Variants in CSGALNACT2 observed in about 807,000 individuals in gnomAD.
The protein encoded by CSGALNACT2 is chondroitin sulfate N-acetylgalactosaminyltransferase 2.
Under a neutral mutation model 55.3 loss-of-function variants are expected in CSGALNACT2, and 35 were observed. The ratio of observed to expected loss-of-function variants is 0.63; its 90% CI spans 0.48 to 0.84. The LOEUF (loss-of-function observed/expected upper bound fraction) is 0.84, where lower values mean the gene tolerates loss of function less well. Among genes scored for constraint, CSGALNACT2 ranks in the 40% least tolerant of loss-of-function variants. The probability of loss-of-function intolerance (pLI) is 0.00; values close to 1 mark genes in which losing one functional copy is unlikely to be tolerated. For missense variants in CSGALNACT2, 544 were observed against 657.5 expected, an observed-to-expected ratio of 0.83 and a Z score of 1.89; for synonymous variants, 196 against 224.9, an observed-to-expected ratio of 0.87 and a Z score of 1.15.
At chr10:43,173,900 C>T (rs531829912) in intron 6 of CSGALNACT2, among the ~76,000 whole-genome samples, 4 of 152,114 alleles carry the variant, frequency 2.6e-5, no homozygotes, top group East Asian at 3.9e-4. Context: ...GACTGAGGCA[C>T]GGAAATCGCT....
chr10:43,160,723 G>A, intron 4 of CSGALNACT2, 128 bp downstream of exon 4: 1 of 634,778 alleles, frequency 1.6e-6, no homozygotes, highest in African/African-American at 1.9e-5. Flanking sequence ...GTGGGCGGTG[G>A]TGGTGATGAT....
chr10:43,184,747 ATTAT>A lies in CSGALNACT2; in HGVS notation c.*1208_*1211del. 6.6e-6 allele frequency: 1 copy of A among 152,312 alleles called. No homozygotes were observed. The highest frequency in any genetic ancestry group is 1.5e-5 in the Non-Finnish European group (1 of 68,022). The allele number at this position is 152,312 out of a possible 1,614,324, so 9.4% of individuals were successfully genotyped here. A position where few individuals can be genotyped will look rare whatever the true frequency, so the allele number is the denominator to read the frequency against. On this transcript the variant is annotated 3_prime_UTR_variant, in exon 8 of 8. Transcript: ENST00000374466. ...TTATATTCAGATAGGACTGCACTAC[ATTAT>A]TTGTCACACATGGATCTGTTACCAT...
At chr10:43,156,368 A>G (rs1356059549) in intron 2 of CSGALNACT2, among the ~76,000 whole-genome samples, 1 of 152,220 alleles carries the variant, frequency 6.6e-6, no homozygotes, top group Non-Finnish European at 1.5e-5. Context: ...ATTTTTATGT[A>G]TCAAGATGGG....
chr10:43,141,088 G>A (rs534593113), intron 1 of CSGALNACT2, among the ~76,000 whole-genome samples: 18 of 152,310 alleles, frequency 1.2e-4, no homozygotes, highest in African/African-American at 4.3e-4. Context: ...AACATGGAAA[G>A]TAGGAAAGGG....
intron 1 of CSGALNACT2, among the ~76,000 whole-genome samples, chr10:43,152,746 TAAGTATGTATATCTTTATTAATTA>T (rs1327134800): frequency 6.6e-6 from 1 of 152,202 alleles, no homozygotes; most frequent in Admixed American, 6.5e-5. Flanking sequence ...ATAACATGCT[TAAGTATGTATATCTTTATTAATTA>T]AAGTATGTAT....
chr10:43,149,485 A>G (rs978881018), intron 1 of CSGALNACT2, among the ~76,000 whole-genome samples: 10 of 152,194 alleles, frequency 6.6e-5, no homozygotes, highest in Admixed American at 4.6e-4. Context: ...TTCTATTGAT[A>G]TGGTATATTG....
intron 1 of CSGALNACT2, among the ~76,000 whole-genome samples, chr10:43,150,156 T>A (rs1463408625): frequency 6.6e-6 from 1 of 152,218 alleles, no homozygotes; most frequent in African/African-American, 2.4e-5. Flanking sequence ...GAGTAGTTTT[T>A]TTATTATTAT....
chr10:43,178,943 A>G (rs921235086), intron 7 of CSGALNACT2, among the ~76,000 whole-genome samples: 1 of 152,016 alleles, frequency 6.6e-6, no homozygotes, highest in Admixed American at 6.6e-5. Context: ...TTCAGATTGC[A>G]TAATTTCTAT....
intron 6 of CSGALNACT2, among the ~76,000 whole-genome samples, chr10:43,173,407 C>T (rs1023517744): frequency 2.6e-5 from 4 of 152,186 alleles, no homozygotes; most frequent in Non-Finnish European, 5.9e-5. Context: ...GTGTGGATAA[C>T]TGCATCTCCC....
chr10:43,163,497 G>T, intron 4 of CSGALNACT2: 1 of 984,930 alleles, frequency 1.0e-6, no homozygotes, highest in African/African-American at 1.7e-5. Context: ...CCTAACGGAT[G>T]CAAGAGGAGA....
chr10:43,144,212 CAGT>C (rs1218111599), intron 1 of CSGALNACT2, among the ~76,000 whole-genome samples: 6 of 152,116 alleles, frequency 3.9e-5, no homozygotes, highest in Non-Finnish European at 8.8e-5. Flanking sequence ...TTTCAGAGGG[CAGT>C]AGATTAGTCT....
At chr10:43,146,149 A>G (rs1838742454) in intron 1 of CSGALNACT2, among the ~76,000 whole-genome samples, 1 of 152,232 alleles carries the variant, frequency 6.6e-6, no homozygotes, top group Non-Finnish European at 1.5e-5. Context: ...ATGATAGGTC[A>G]TCAGCAAGTT....
chr10:43,163,597 A>G (rs1056893086), intron 4 of CSGALNACT2: 36 of 985,268 alleles, frequency 3.7e-5, no homozygotes, highest in Non-Finnish European at 4.3e-5. Flanking sequence ...ACTCCCCAAA[A>G]GGTGTTTAAG....
At chr10:43,163,830 G>A in intron 4 of CSGALNACT2, 36 bp from the exon 5 acceptor site, 1 of 1,576,846 alleles carries the variant, frequency 6.3e-7, no homozygotes, top group Non-Finnish European at 8.6e-7. Context: ...AACTTTAAGT[G>A]GGACTTATCA....
intron 4 of CSGALNACT2, 106 bp from the exon 5 acceptor site, chr10:43,163,760 A>G: frequency 7.1e-7 from 1 of 1,398,848 alleles, no homozygotes. Context: ...GAACCAATAT[A>G]ATCAAATATT....
Position 43,155,383 on chromosome 10 carries a change from A to G in CSGALNACT2, c.234A>G (p.Gln78=), listed in dbSNP as rs774957310. The G allele has an allele frequency of 9.3e-6, 15 of 1,614,090 alleles. No homozygotes were observed. Among genetic ancestry groups the G allele is most frequent in the Middle Eastern group, 1.6e-4 (1 of 6,084 alleles). ...CCAGGGCAACCAGTCTGAAACGCCAAATTGCCCAACTAAAACAAGAATTAC... is the reference window on the plus strand; with the variant it reads ...CCAGGGCAACCAGTCTGAAACGCCAGATTGCCCAACTAAAACAAGAATTAC... ...YQTRATSLKR[Q]IAQLKQELQE... Residue 78 remains glutamine (Q), a synonymous_variant, in exon 2 of 8, where the codon CAA becomes CAG. Transcript: ENST00000374466.
chr10:43,178,777 A>G (rs1026121019), intron 7 of CSGALNACT2, among the ~76,000 whole-genome samples: 2 of 152,030 alleles, frequency 1.3e-5, no homozygotes, highest in Non-Finnish European at 2.9e-5. Flanking sequence ...ACTCATGCAT[A>G]TGGAGGGCTG....
chr10:43,173,885 C>T (rs1271306833), intron 6 of CSGALNACT2, among the ~76,000 whole-genome samples: 1 of 152,054 alleles, frequency 6.6e-6, no homozygotes, highest in Non-Finnish European at 1.5e-5. Flanking sequence ...CCCAGCTGTT[C>T]AGCGGACTGA....
chr10:43,163,011 A>G (rs1437295170), intron 4 of CSGALNACT2: 1 of 985,140 alleles, frequency 1.0e-6, no homozygotes, highest in Non-Finnish European at 1.2e-6. Flanking sequence ...GTTGACCCTT[A>G]TCTCACTGTT....
Sources: gnomAD v4.1 joint callset for allele counts (sites outside exome capture counted in the v4.1 genomes callset) on GRCh38, gnomAD v4.1.1 for gene constraint, MANE v1.5 for transcripts, NCBI Gene and HGNC (gene_info 2026-07-23, HGNC 2026-07-21) for gene names.